PRAMEF17: variants seen among roughly 807,000 people sequenced by gnomAD.
PRAMEF17 encodes PRAME family member 17.
Under a neutral mutation model 36.8 loss-of-function variants are expected in PRAMEF17, and 48 were observed. The ratio of observed to expected loss-of-function variants is 1.30; its 90% confidence interval spans 1.03 to 1.66. The LOEUF is 1.66. Among genes scored for constraint, PRAMEF17 ranks in the 40% most tolerant of loss-of-function variants. The probability of loss-of-function intolerance (pLI) is 0.00; values close to 1 mark genes in which losing one functional copy is unlikely to be tolerated. For missense variants in PRAMEF17, 639 were observed against 560.6 expected (o/e 1.14, Z -1.41); for synonymous variants, 246 against 220.4 (o/e 1.12, Z -1.03).
chr1:13,390,573 A>G lies in PRAMEF17; in HGVS notation c.520A>G (p.Arg174Gly). The stretch of plus-strand genomic sequence containing the variant: ...CTACCTCTGCAGGTGGATCCACTAC[A>G]GAAGAGGTCTAGTGCACCTGTGTTG... ...LSYLCRWIHY[R>G]RGLVHLCCNK... is the part of the protein sequence containing the mutation. The change falls in exon 2 of 3, where the codon AGA (arginine) becomes GGA (glycine). Residue 174 changes from arginine to glycine, a missense_variant. Coordinates refer to ENST00000376098, the MANE Select transcript of PRAMEF17 (RefSeq NM_001099851.3). 2 of 1,612,020 alleles carry G rather than the reference A, an allele frequency of 1.2e-6. No homozygotes were observed. Among genetic ancestry groups the G allele is most frequent in the Non-Finnish European group, 1.7e-6 (2 of 1,179,870 alleles).
Position 13,390,441 on chromosome 1 carries a change from AG to A in PRAMEF17, c.389del (p.Ser130IlefsTer18). On this transcript the variant is annotated frameshift_variant, in exon 2 of 3. Coordinates refer to ENST00000376098, the MANE Select transcript of PRAMEF17 (RefSeq NM_001099851.3). LOFTEE classifies it high-confidence loss of function. Reference protein sequence around the residue: ...RALSCSPEAMSKRQTVEDYPR... With the variant: ...RALSCSPEAMXKRQTVEDYPR... ...CCTCTCCTGCTCCCCAGAGGCCATG[AG>A]TAAGAGGCAGACAGTGGAGGACTAT... 1 of 1,612,014 alleles carries A rather than the reference AG, an allele frequency of 6.2e-7. No homozygotes were observed. Among genetic ancestry groups the A allele is most frequent in the Non-Finnish European group, 8.5e-7 (1 of 1,179,858 alleles).
chr1:13,390,847 G>T lies in PRAMEF17; in HGVS notation c.794G>T (p.Cys265Phe). ...FVPDLDCPFL[C>F]LYYPQMLYIR... ...CCTGACTTGGACTGTCCATTCCTCTGCCTGTACTACCCTCAGATGCTTTAT... is the reference window on the plus strand; with the variant it reads ...CCTGACTTGGACTGTCCATTCCTCTTCCTGTACTACCCTCAGATGCTTTAT... The change falls in exon 2 of 3, where the codon TGC becomes TTC. Residue 265 changes from cysteine to phenylalanine, a missense_variant. Transcript: ENST00000376098. 3 of 1,612,002 alleles carry T rather than the reference G, an allele frequency of 1.9e-6. No individual in the cohort carries two copies. In the Admixed American group the frequency reaches 5.0e-5, roughly 27 times the overall value.
Position 13,390,540 on chromosome 1 carries a change from T to A in PRAMEF17, c.487T>A (p.Cys163Ser). 1.2e-6 allele frequency: 2 copies of A among 1,612,000 alleles called. No individual in the cohort carries two copies. Among genetic ancestry groups the A allele is most frequent in the South Asian group, 1.1e-5 (1 of 90,990 alleles). The change falls in exon 2 of 3, where the codon TGC becomes AGC. Residue 163 changes from cysteine (C) to serine (S), a missense_variant. Transcript: ENST00000376098. ...LCQKESTLDE[C>S]LSYLCRWIHY... ...CCAAAAGGAAAGTACACTGGATGAA[T>A]GCCTGAGCTACCTCTGCAGGTGGAT...
Position 13,392,316 on chromosome 1 carries a change from T to C in PRAMEF17, c.1239T>C (p.Pro413=), listed in dbSNP as rs1360309968. 3 of 1,612,010 alleles carry C rather than the reference T, an allele frequency of 1.9e-6. No individual in the cohort carries two copies. In the East Asian group the frequency reaches 6.7e-5, roughly 36 times the overall value. Residue 413 remains proline (P), a synonymous_variant, in exon 3 of 3, where the codon CCT becomes CCC. Transcript: ENST00000376098. ...GCAAGTTAGGTCTGGAGTTGTATCC[T>C]GCCCCTCTGGAGTGTCTTGACAACA... is the stretch of plus-strand genomic sequence containing the variant. ...GLSKLGLELY[P]APLECLDNRG... is the part of the protein sequence containing the mutation.
At position 13,389,745 on chromosome 1, in the gene PRAMEF17, G is replaced by C. The variant is rs1438606808; in HGVS notation, c.88G>C (p.Glu30Gln). The C allele has an allele frequency of 7.4e-6, 12 of 1,612,196 alleles. No individual in the cohort carries two copies. Among genetic ancestry groups the C allele is most frequent in the Admixed American group, 1.7e-5 (1 of 59,994 alleles). Residue 30 changes from glutamate to glutamine, a missense_variant, in exon 1 of 3, where the codon GAG becomes CAG. Physicochemically the swap from Glu to Gln is conservative, Grantham distance 29. Coordinates refer to ENST00000376098, the MANE Select transcript of PRAMEF17 (RefSeq NM_001099851.3). Reference sequence around the variant, plus strand: ...GTTCTTGACCATCTTCATCCTGGACGAGCTGCCCAGGGAGGTCTTCCCTCT... The same window carrying C: ...GTTCTTGACCATCTTCATCCTGGACCAGCTGCCCAGGGAGGTCTTCCCTCT... The part of the protein sequence containing the change: ...NQFLTIFILD[E>Q]LPREVFPLMF...
intron 2 of PRAMEF17, among the ~76,000 whole-genome samples, chr1:13,391,275 G>T (rs1197415484): frequency 6.6e-6 from 1 of 152,188 alleles, no homozygotes; most frequent in Non-Finnish European, 1.5e-5. Context: ...AGGAGAGTAT[G>T]AAAGAAGGGA....
rs1384044260 is a variant in PRAMEF17 at position 13,392,137 on chromosome 1, C to G, written c.1060C>G (p.Leu354Val). ...GAAAGTTGCTGCTACTCTCGAGATC[C>G]TCACGTTAAAGGACTGTCAGATCCA... is the stretch of plus-strand genomic sequence containing the variant. ...LEKVAATLEI[L>V]TLKDCQIQDS... Residue 354 changes from leucine (L) to valine (V), a missense_variant, in exon 3 of 3, where the codon CTC becomes GTC. Transcript: ENST00000376098. The G allele has an allele frequency of 7.4e-6, 12 of 1,611,804 alleles. No individual in the cohort carries two copies. Among genetic ancestry groups the G allele is most frequent in the Admixed American group, 6.7e-5 (4 of 59,976 alleles).
At chr1:13,391,844 A>C (rs1183547399) in intron 2 of PRAMEF17, 100 bp from the exon 3 acceptor site, 29 of 1,528,434 alleles carry the variant, frequency 1.9e-5, no homozygotes, top group Middle Eastern at 2.4e-4. Context: ...TAAGGTGCAG[A>C]ATTACTCAAT....
intron 2 of PRAMEF17, among the ~76,000 whole-genome samples, chr1:13,391,544 C>T (rs1640880172): frequency 6.6e-6 from 1 of 152,162 alleles, no homozygotes; most frequent in Non-Finnish European, 1.5e-5. Context: ...TGTCCCTAGA[C>T]CTTGCTCAGT....
At position 13,390,674 on chromosome 1, in the gene PRAMEF17, C is replaced by A; in HGVS notation, c.621C>A (p.Ile207=). Residue 207 remains isoleucine (I), a synonymous_variant, in exon 2 of 3, where the codon ATC becomes ATA. Coordinates refer to ENST00000376098, the MANE Select transcript of PRAMEF17 (RefSeq NM_001099851.3). ...NLLKRVYPDS[I]QELEIKRKCS... ...TGAAAAGGGTATACCCAGACAGTAT[C>A]CAGGAGTTGGAAATTAAGAGAAAGT... The A allele has an allele frequency of 6.2e-7, 1 of 1,611,920 alleles. No individual in the cohort carries two copies. The highest frequency in any genetic ancestry group is 1.1e-5 in the South Asian group (1 of 90,968).
rs1226532802 is a variant in PRAMEF17, at chr1:13,392,423, G to A, written c.1346G>A (p.Arg449Lys). Residue 449 changes from arginine to lysine, a missense_variant, in exon 3 of 3, where the codon AGG becomes AAG. Arg to Lys is a conservative substitution (Grantham distance 26, BLOSUM62 2). Transcript: ENST00000376098. ...CTCAGGGAAGTCAGGCAGCCCAAGAGGATCTTTTTTGGTCCCATCCCCTGC... is the reference window on the plus strand; with the variant it reads ...CTCAGGGAAGTCAGGCAGCCCAAGAAGATCTTTTTTGGTCCCATCCCCTGC... ...CTLREVRQPK[R>K]IFFGPIPCPS... 3.7e-6 allele frequency: 6 copies of A among 1,611,960 alleles called. No individual in the cohort carries two copies. The Admixed American group carries it at 8.3e-5, about 22-fold the overall frequency.
rs781190746 is a variant in PRAMEF17 at position 13,390,510 on chromosome 1, C to G, written c.457C>G (p.Leu153Val). The part of the protein sequence containing the change: ...EHQPLKVFID[L>V]CQKESTLDEC... The stretch of plus-strand genomic sequence containing the variant: ...CCAGCCCTTGAAGGTGTTCATAGAC[C>G]TCTGCCAAAAGGAAAGTACACTGGA... The change falls in exon 2 of 3, where the codon CTC becomes GTC. Residue 153 changes from leucine to valine, a missense_variant. By Grantham distance (32) the Leu-to-Val change is conservative. Coordinates refer to ENST00000376098, the MANE Select transcript of PRAMEF17 (RefSeq NM_001099851.3). The G allele has an allele frequency of 2.5e-6, 4 of 1,611,850 alleles. No individual in the cohort carries two copies. The East Asian group carries it at 6.7e-5, about 27-fold the overall frequency.
Position 13,392,026 on chromosome 1 carries a change from C to T in PRAMEF17, c.949C>T (p.Pro317Ser). 1 of 1,611,820 alleles carries T rather than the reference C, an allele frequency of 6.2e-7. No individual in the cohort carries two copies. The highest frequency in any genetic ancestry group is 8.5e-7 in the Non-Finnish European group (1 of 1,179,820). ...GGACATGGAGTGTCTGTCTCAGTAC[C>T]CAAGCCTCAGTCAGCTAAAGGAGCT... ...DQDMECLSQY[P>S]SLSQLKELHL... The change falls in exon 3 of 3, where the codon CCA becomes TCA. Residue 317 changes from proline (P) to serine (S), a missense_variant. By Grantham distance (74) the Pro-to-Ser change is moderately conservative (BLOSUM62 -1). Transcript: ENST00000376098.
Position 13,389,732 on chromosome 1 carries a change from C to T in PRAMEF17, c.75C>T (p.Ile25=), listed in dbSNP as rs1272499671. Residue 25 remains isoleucine (I), a synonymous_variant, in exon 1 of 3, where the codon ATC becomes ATT. Coordinates refer to ENST00000376098, the MANE Select transcript of PRAMEF17 (RefSeq NM_001099851.3). ...QSLLRNQFLT[I]FILDELPREV... is the part of the protein sequence containing the mutation. The stretch of plus-strand genomic sequence containing the variant: ...TGCTGAGGAACCAGTTCTTGACCAT[C>T]TTCATCCTGGACGAGCTGCCCAGGG... The T allele has an allele frequency of 1.9e-6, 3 of 1,612,108 alleles. No homozygotes were observed. In the African/African-American group the frequency reaches 4.0e-5, roughly 22 times the overall value.
chr1:13,390,781 A>G lies in PRAMEF17; in HGVS notation c.728A>G (p.Tyr243Cys), dbSNP rs1640870248. The G allele has an allele frequency of 1.9e-5, 30 of 1,611,898 alleles. No individual in the cohort carries two copies. Among genetic ancestry groups the G allele is most frequent in the Middle Eastern group, 2.2e-4 (1 of 4,452 alleles). ...CGCAAACTCTTTTTAGCCTTCGGTT[A>G]TGACGATGAGTTATATGTAAGCGGC... Reference protein sequence around the residue: ...NLRKLFLAFGYDDELYVSGQQ... With the variant: ...NLRKLFLAFGCDDELYVSGQQ... The change falls in exon 2 of 3, where the codon TAT (tyrosine) becomes TGT (cysteine). Residue 243 changes from tyrosine to cysteine, a missense_variant. By Grantham distance (194) the Tyr-to-Cys change is radical (BLOSUM62 -2). Transcript: ENST00000376098.
At position 13,392,321 on chromosome 1, in the gene PRAMEF17, C is replaced by G. The variant is rs1367381374; in HGVS notation, c.1244C>G (p.Pro415Arg). 43 of 1,611,972 alleles carry G rather than the reference C, an allele frequency of 2.7e-5. No homozygotes were observed. The East Asian group carries it at 2.7e-4, about 10-fold the overall frequency. The change falls in exon 3 of 3, where the codon CCT becomes CGT. Residue 415 changes from proline (P) to arginine (R), a missense_variant. By Grantham distance (103) the Pro-to-Arg change is moderately radical. Transcript: ENST00000376098. Reference protein sequence around the residue: ...SKLGLELYPAPLECLDNRGHV... With the variant: ...SKLGLELYPARLECLDNRGHV... ...TTAGGTCTGGAGTTGTATCCTGCCC[C>G]TCTGGAGTGTCTTGACAACAGGGGT...
At position 13,390,899 on chromosome 1, in the gene PRAMEF17, G is replaced by T. The variant is rs1275885831; in HGVS notation, c.846G>T (p.Glu282Asp). The T allele has an allele frequency of 6.2e-7, 1 of 1,611,444 alleles. No individual in the cohort carries two copies. Among genetic ancestry groups the T allele is most frequent in the Non-Finnish European group, 8.5e-7 (1 of 1,179,742 alleles). ...TAAGAAAGATCAGTAATATCAAAGA[G>T]CACCTGGAGCACCTGCTCAGGTAAG... ...LYIRKISNIK[E>D]HLEHLLRCLK... The change falls in exon 2 of 3, where the codon GAG (glutamate) becomes GAT (aspartate). Residue 282 changes from glutamate (E) to aspartate (D), a missense_variant. Transcript: ENST00000376098.
Position 13,390,758 on chromosome 1 carries a change from CAA to C in PRAMEF17, c.707_708del (p.Lys236ThrfsTer8), listed in dbSNP as rs1368107242. 6.2e-7 allele frequency: 1 copy of C among 1,611,884 alleles called. No homozygotes were observed. Among genetic ancestry groups the C allele is most frequent in the Non-Finnish European group, 8.5e-7 (1 of 1,179,872 alleles). On this transcript the variant is annotated frameshift_variant, in exon 2 of 3. Coordinates refer to ENST00000376098, the MANE Select transcript of PRAMEF17 (RefSeq NM_001099851.3). LOFTEE classifies it high-confidence loss of function. The stretch of plus-strand genomic sequence containing the variant: ...ACTTGAGCCAGATGAGCAATCTTCG[CAA>C]ACTCTTTTTAGCCTTCGGTTATGAC... ...PYLSQMSNLR[K>X]LFLAFGYDDE...
Position 13,390,389 on chromosome 1 carries a change from C to G in PRAMEF17, c.336C>G (p.Phe112Leu), listed in dbSNP as rs1180356363. The change falls in exon 2 of 3, where the codon TTC becomes TTG. Residue 112 changes from phenylalanine to leucine, a missense_variant. Transcript: ENST00000376098. ...VLDLRDVDGN[F>L]WTIWSGARAL... The stretch of plus-strand genomic sequence containing the variant: ...ATTTGCGGGATGTTGATGGGAATTT[C>G]TGGACTATATGGTCTGGAGCCAGGG... 2 of 1,611,856 alleles carry G rather than the reference C, an allele frequency of 1.2e-6. No individual in the cohort carries two copies. The highest frequency in any genetic ancestry group is 1.7e-6 in the Non-Finnish European group (2 of 1,179,864).
Sources: gnomAD v4.1 joint callset for allele counts (sites outside exome capture counted in the v4.1 genomes callset) on GRCh38, gnomAD v4.1.1 for gene constraint, MANE v1.5 for transcripts, NCBI Gene and HGNC (gene_info 2026-07-23, HGNC 2026-07-21) for gene names.